SLC6A17: variants seen among roughly 807,000 people sequenced by gnomAD.
The protein encoded by SLC6A17 is solute carrier family 6 member 17, also known as sodium-dependent neutral amino acid transporter SLC6A17.
In SLC6A17, 21 loss-of-function variants were observed where a neutral mutation model predicts 64.5. The observed-to-expected ratio is 0.33, with a 90% confidence interval of 0.23 to 0.47. The LOEUF is 0.47. Ranked by LOEUF, SLC6A17 falls within the 20% of genes least tolerant of loss-of-function variation. The probability of loss-of-function intolerance (pLI) is 1.00; values close to 1 mark genes in which losing one functional copy is unlikely to be tolerated. For missense variants in SLC6A17, 682 were observed against 963.2 expected, an observed-to-expected ratio of 0.71 and a Z score of 3.86; for synonymous variants, 372 against 399.5, an observed-to-expected ratio of 0.93 and a Z score of 0.82.
chr1:110,191,895 G>A, intron 6 of SLC6A17, 77 bp from the exon 7 acceptor site: 1 of 1,550,550 alleles, frequency 6.4e-7, no homozygotes, highest in Non-Finnish European at 8.7e-7. Flanking sequence ...TTGAGGCTGA[G>A]AAAGGGGGTG....
chr1:110,176,810 T>C, intron 6 of SLC6A17, 71 bp downstream of exon 6: 1 of 1,336,330 alleles, frequency 7.5e-7, no homozygotes, highest in Non-Finnish European at 1.1e-6. Flanking sequence ...CTTCCTGCAA[T>C]TTCATGGAAT....
At position 110,194,631 on chromosome 1, in the gene SLC6A17, A is replaced by T; in HGVS notation, c.1352A>T (p.His451Leu). Reference sequence around the variant, plus strand: ...ATCGCCTTCACTGAGGCCATGACGCACTTCCCCGCCTCCCCGTTCTGGTCC... The same window carrying T: ...ATCGCCTTCACTGAGGCCATGACGCTCTTCCCCGCCTCCCCGTTCTGGTCC... ...AFIAFTEAMT[H>L]FPASPFWSVM... The change falls in exon 9 of 12, where the codon CAC (histidine) becomes CTC (leucine). Residue 451 changes from histidine to leucine, a missense_variant. This residue lies in a region of SLC6A17 where 415 missense variants were observed against 603.8 expected (regional missense o/e 0.69). Coordinates refer to ENST00000331565, the MANE Select transcript of SLC6A17 (RefSeq NM_001010898.4). 2 of 1,614,056 alleles carry T rather than the reference A, an allele frequency of 1.2e-6. No homozygotes were observed. The highest frequency in any genetic ancestry group is 2.2e-5 in the South Asian group (2 of 91,066).
At chr1:110,172,951 C>G (rs1656281051) in intron 3 of SLC6A17, among the ~76,000 whole-genome samples, 1 of 152,276 alleles carries the variant, frequency 6.6e-6, no homozygotes, top group Non-Finnish European at 1.5e-5. Context: ...CTGGAAGGGA[C>G]TAAGGATTCT....
At chr1:110,152,963 G>A (rs535689212) in intron 1 of SLC6A17, among the ~76,000 whole-genome samples, 2 of 152,324 alleles carry the variant, frequency 1.3e-5, no homozygotes, top group East Asian at 3.9e-4. Context: ...AGAAGGACCT[G>A]TAACTCAGCT....
chr1:110,197,519 T>G lies in SLC6A17; in HGVS notation c.1735T>G (p.Cys579Gly), dbSNP rs1657000931. The G allele has an allele frequency of 6.2e-7, 1 of 1,613,820 alleles. No individual in the cohort carries two copies. Among genetic ancestry groups the G allele is most frequent in the Non-Finnish European group, 8.5e-7 (1 of 1,179,954 alleles). The change falls in exon 11 of 12, where the codon TGC (cysteine) becomes GGC (glycine). Residue 579 changes from cysteine (C) to glycine (G), a missense_variant. This residue lies in a region of SLC6A17 where 264 missense variants were observed against 339.5 expected (regional missense o/e 0.78). Transcript: ENST00000331565. ...FYMWKFVSPL[C>G]MAVLTTASII... is the part of the protein sequence containing the mutation. ...CATGTGGAAGTTCGTGTCTCCACTA[T>G]GCATGGCTGTGCTCACCACAGCCAG...
In SLC6A17 at chr1:110,156,119, A is replaced by G. The variant is rs150940544; in HGVS notation, c.-88+5236A>G. 1.2e-4 allele frequency among the ~76,000 whole-genome samples: 18 copies of G among 152,286 alleles called. No individual in the cohort carries two copies. The East Asian group carries it at 3.5e-3, about 29-fold the overall frequency. On this transcript the variant is annotated intron_variant, in intron 1 of 11. Transcript: ENST00000331565. Reference sequence around the variant, plus strand: ...GCGCTGTCCATGGTCCTGCCACACCACTGGGGCCATCTGCCTGCTAGTAAT... The same window carrying G: ...GCGCTGTCCATGGTCCTGCCACACCGCTGGGGCCATCTGCCTGCTAGTAAT...
chr1:110,198,790 T>G lies in SLC6A17; in HGVS notation c.*346T>G. The G allele has an allele frequency of 4.5e-6, 1 of 223,652 alleles. No homozygotes were observed. The highest frequency in any genetic ancestry group is 8.8e-6 in the Non-Finnish European group (1 of 113,626). 13.9% of individuals were successfully genotyped at this position (223,652 alleles called of 1,614,324 possible). Reference sequence around the variant, plus strand: ...TGCAGGAGTCACTCACCTCCCTCTCTCCCTGTAACTTGCCACCTGCAGTTC... The same window carrying G: ...TGCAGGAGTCACTCACCTCCCTCTCGCCCTGTAACTTGCCACCTGCAGTTC... On this transcript the variant is annotated 3_prime_UTR_variant, in exon 12 of 12. Coordinates refer to ENST00000331565, the MANE Select transcript of SLC6A17 (RefSeq NM_001010898.4).
chr1:110,150,570 G>A lies in SLC6A17; in HGVS notation c.-401G>A, dbSNP rs1655567380. The stretch of plus-strand genomic sequence containing the variant: ...TGCTCCGCAGAGCCGGCGCTGCCAG[G>A]GCGCAGGGAGGGCGGCACTCGGCCC... On this transcript the variant is annotated 5_prime_UTR_variant, in exon 1 of 12. Transcript: ENST00000331565. 1 of 152,284 alleles carries A rather than the reference G, an allele frequency of 6.6e-6. No individual in the cohort carries two copies. The highest frequency in any genetic ancestry group is 2.4e-5 in the African/African-American group (1 of 41,452). 9.4% of individuals were successfully genotyped at this position (152,284 alleles called of 1,614,324 possible). A position where few individuals can be genotyped will look rare whatever the true frequency, so the allele number is the denominator to read the frequency against.
intron 3 of SLC6A17, chr1:110,172,476 T>C (rs967278070): frequency 8.6e-6 from 4 of 462,936 alleles, no homozygotes; most frequent in Non-Finnish European, 1.5e-5. Flanking sequence ...CTGGGACATA[T>C]TCACATGGGG....
chr1:110,194,850 GTCCT>G, intron 9 of SLC6A17, 79 bp downstream of exon 9: 5 of 1,555,620 alleles, frequency 3.2e-6, no homozygotes, highest in African/African-American at 1.4e-5. Context: ...TTCTGACTGG[GTCCT>G]TCATGACCCC....
chr1:110,172,405 G>A (rs1656266633), intron 3 of SLC6A17, 188 bp downstream of exon 3: 3 of 726,140 alleles, frequency 4.1e-6, no homozygotes, highest in Non-Finnish European at 6.5e-6. Flanking sequence ...CCTAAACTGA[G>A]AGTCGACCAC....
rs755425470 is a variant in SLC6A17 at position 110,195,698 on chromosome 1, C to T, written c.1605C>T (p.Ile535=). The T allele has an allele frequency of 2.8e-5, 45 of 1,614,236 alleles. No individual in the cohort carries two copies. Among genetic ancestry groups the T allele is most frequent in the Non-Finnish European group, 3.7e-5 (44 of 1,180,040 alleles). The stretch of plus-strand genomic sequence containing the variant: ...CGGCCACCCTGCCACTCACTCTCAT[C>T]GTCATCCTTGAGAACATCGCTGTGG... ...DYSATLPLTL[I]VILENIAVAW... Residue 535 remains isoleucine, a synonymous_variant, in exon 10 of 12, where the codon ATC becomes ATT. Coordinates refer to ENST00000331565, the MANE Select transcript of SLC6A17 (RefSeq NM_001010898.4).
intron 3 of SLC6A17, 141 bp downstream of exon 3, chr1:110,172,358 T>C: frequency 1.8e-6 from 2 of 1,121,696 alleles, no homozygotes; most frequent in Non-Finnish European, 2.5e-6. Context: ...TGGGAATTAC[T>C]CACAGCTGGG....
At chr1:110,175,810 C>T (rs903657328) in intron 5 of SLC6A17, among the ~76,000 whole-genome samples, 2 of 152,206 alleles carry the variant, frequency 1.3e-5, no homozygotes, top group South Asian at 2.1e-4. Flanking sequence ...GTAGCTGATG[C>T]TTTGTGGCAC....
intron 1 of SLC6A17, 52 bp downstream of exon 1, chr1:110,150,935 T>G (rs1412665113): frequency 6.6e-6 from 1 of 152,118 alleles, no homozygotes; most frequent in African/African-American, 2.4e-5. Context: ...CCACTGCAAC[T>G]TTCCCTGTTC....
chr1:110,170,583 C>T (rs1656194146), intron 2 of SLC6A17, among the ~76,000 whole-genome samples: 6 of 152,210 alleles, frequency 3.9e-5, no homozygotes, highest in Admixed American at 6.5e-5. Context: ...ACCAAGAGAC[C>T]GAGTTAAAGA....
In SLC6A17 at chr1:110,183,602, T is replaced by C. The variant is rs1048654329; in HGVS notation, c.864+6863T>C. Among the ~76,000 whole-genome samples the C allele has an allele frequency of 3.3e-5, 5 of 152,178 alleles. No homozygotes were observed. In the South Asian group the frequency reaches 1.0e-3, roughly 32 times the overall value. ...GCTAAAAACGATTGAATTGTGCACT[T>C]AAAAAATTCAAAAAAGAGAAGGTAG... On this transcript the variant is annotated intron_variant, in intron 6 of 11. Coordinates refer to ENST00000331565, the MANE Select transcript of SLC6A17 (RefSeq NM_001010898.4).
chr1:110,157,934 A>G (rs889401391), intron 1 of SLC6A17, among the ~76,000 whole-genome samples: 5 of 152,182 alleles, frequency 3.3e-5, no homozygotes, highest in East Asian at 1.9e-4. Flanking sequence ...ATGTCACCTT[A>G]TCGGAGCATA....
intron 2 of SLC6A17, among the ~76,000 whole-genome samples, chr1:110,170,618 GC>G (rs2101845777): frequency 6.6e-6 from 1 of 152,354 alleles, no homozygotes; most frequent in African/African-American, 2.4e-5. Flanking sequence ...TAAGCATGTG[GC>G]CCTTTGGGCC....
Sources: gnomAD v4.1 joint callset for allele counts (sites outside exome capture counted in the v4.1 genomes callset) on GRCh38, gnomAD v4.1.1 for gene constraint, gnomAD v4.1.1 regional missense constraint, MANE v1.5 for transcripts, NCBI Gene and HGNC (gene_info 2026-07-23, HGNC 2026-07-21) for gene names.